The following NFIX variants were observed in gnomAD, a reference collection of about 807,000 sequenced individuals.
NFIX encodes the protein nuclear factor 1 X-type.
In NFIX, 2 loss-of-function variants were observed where a neutral mutation model predicts 53.3. The observed-to-expected ratio is 0.04, with a 90% CI of 0.02 to 0.12. The LOEUF (loss-of-function observed/expected upper bound fraction) is 0.12. NFIX is among the 10% of genes least tolerant of loss of function. NFIX has a pLI of 1.00. For synonymous variants in NFIX, 244 were observed against 289.0 expected (o/e 0.84, Z 1.58); for missense variants, 310 against 674.5 (o/e 0.46, Z 5.99).
rs933399620 is a variant in NFIX, at chr19:13,096,422, G to C, written c.*1773G>C. 1.3e-5 allele frequency: 2 copies of C among 152,228 alleles called. No homozygotes were observed. The highest frequency in any genetic ancestry group is 1.9e-4 in the East Asian group (1 of 5,190). 9.4% of individuals were successfully genotyped at this position (152,228 alleles called of 1,614,324 possible). A position where few individuals can be genotyped will look rare whatever the true frequency, so the allele number is the denominator to read the frequency against. ...GCGACCTGGGGCCGTAGCGGCAGGC[G>C]AACGGTGCCTGCTACCCAGCTGGAA... On this transcript the variant is annotated 3_prime_UTR_variant, in exon 11 of 11. Coordinates refer to ENST00000592199, the MANE Select transcript of NFIX (RefSeq NM_001365902.3).
Position 12,998,004 on chromosome 19 carries a change from C to T in NFIX, c.27+2140C>T, listed in dbSNP as rs567352759. On this transcript the variant is annotated intron_variant, in intron 1 of 10. Coordinates refer to ENST00000592199, the MANE Select transcript of NFIX (RefSeq NM_001365902.3). This position sits in a 1 kb window ranked among gnomAD's most constrained non-coding sequence, Gnocchi z 4.4. ...TCAGCTCTGGGCAGGTGGCTGCTGT[C>T]GGCTGGTCAGTGGGGTCTGGCCTGC... 6.6e-6 allele frequency among the ~76,000 whole-genome samples: 1 copy of T among 152,226 alleles called. No homozygotes were observed. Among genetic ancestry groups the T allele is most frequent in the Non-Finnish European group, 1.5e-5 (1 of 68,040 alleles).
rs892874415 is a variant in NFIX, at chr19:13,009,596, A to G, written c.27+13732A>G. 6.6e-6 allele frequency among the ~76,000 whole-genome samples: 1 copy of G among 152,238 alleles called. No individual in the cohort carries two copies. The highest frequency in any genetic ancestry group is 1.5e-5 in the Non-Finnish European group (1 of 68,050). On this transcript the variant is annotated intron_variant, in intron 1 of 10. Transcript: ENST00000592199. This position sits in a 1 kb window ranked among gnomAD's most constrained non-coding sequence, Gnocchi z 4.7. Reference sequence around the variant, plus strand: ...CCTATTCCCCAGTTCTAAGAAGCCCAGAGCAAGAAACAGGAGGAAGAGGCT... The same window carrying G: ...CCTATTCCCCAGTTCTAAGAAGCCCGGAGCAAGAAACAGGAGGAAGAGGCT...
intron 1 of NFIX, among the ~76,000 whole-genome samples, chr19:13,019,732 T>G (rs991395299): frequency 3.2e-4 from 27 of 85,328 alleles, no homozygotes; most frequent in African/African-American, 1.1e-3. Flanking sequence ...TGTTTGTTTG[T>G]TTTTTTTTTT....
intron 1 of NFIX, among the ~76,000 whole-genome samples, chr19:12,999,266 C>T (rs529718276): frequency 9.3e-4 from 141 of 151,812 alleles, no homozygotes; most frequent in Non-Finnish European, 1.5e-3. Context: ...CTCTGCCTCC[C>T]GGGTTCAAGC....
At position 13,028,002 on chromosome 19, in the gene NFIX, C is replaced by T. The variant is rs555822566; in HGVS notation, c.559+2450C>T. On this transcript the variant is annotated intron_variant, in intron 2 of 10. Coordinates refer to ENST00000592199, the MANE Select transcript of NFIX (RefSeq NM_001365902.3). This position sits in a 1 kb window ranked among gnomAD's most constrained non-coding sequence, Gnocchi z 4.2. ...TGAGTTGAGGCGAGTTGGCGCAGCC[C>T]GGGCCACCAGTGGGCTGCATCACTT... 6.4e-4 allele frequency among the ~76,000 whole-genome samples: 97 copies of T among 152,366 alleles called. No homozygotes were observed. The highest frequency in any genetic ancestry group is 2.2e-3 in the African/African-American group (91 of 41,588).
chr19:13,087,503 T>C (rs1186612179), intron 8 of NFIX, among the ~76,000 whole-genome samples: 1 of 151,970 alleles, frequency 6.6e-6, no homozygotes, highest in South Asian at 2.1e-4. Flanking sequence ...GGGTGGGTGC[T>C]GGCAGGCCTG....
rs746303091 is a variant in NFIX at position 13,014,171 on chromosome 19, TG to T, written c.28-10848del. The stretch of plus-strand genomic sequence containing the variant: ...CGGAAAGCGCGCTTTTCGGCAGAGC[TG>T]GTTAGTTTTTAATGCGGGCTTTTTT... On this transcript the variant is annotated intron_variant, in intron 1 of 10. Coordinates refer to ENST00000592199, the MANE Select transcript of NFIX (RefSeq NM_001365902.3). This position sits in a 1 kb window ranked among gnomAD's most constrained non-coding sequence, Gnocchi z 4.4. 2 of 152,350 alleles carry T rather than the reference TG, an allele frequency of 1.3e-5. No individual in the cohort carries two copies. Among genetic ancestry groups the T allele is most frequent in the East Asian group, 3.9e-4 (2 of 5,188 alleles). 9.4% of individuals were successfully genotyped at this position (152,350 alleles called of 1,614,324 possible).
chr19:13,056,536 G>C (rs530894706), intron 2 of NFIX, among the ~76,000 whole-genome samples: 1 of 152,148 alleles, frequency 6.6e-6, no homozygotes, highest in Non-Finnish European at 1.5e-5. Context: ...AAGATCCTGC[G>C]TGGAGTCCCG....
chr19:13,024,530 A>AC, intron 1 of NFIX: 1 of 1,525,278 alleles, frequency 6.6e-7, no homozygotes. Context: ...GGTGTCGGGG[A>AC]CCAGAGGCGG....
rs975023597 is a variant in NFIX, at chr19:13,078,541, T to C, written c.956-72T>C. 1.3e-6 allele frequency: 2 copies of C among 1,524,178 alleles called. No homozygotes were observed. The highest frequency in any genetic ancestry group is 1.8e-6 in the Non-Finnish European group (2 of 1,126,894). The allele number at this position is 1,524,178 out of a possible 1,614,324, so 94.4% of individuals were successfully genotyped here. On this transcript the variant is annotated intron_variant, in intron 6 of 10. Transcript: ENST00000592199. The surrounding 1 kb of genome is among the most constrained non-coding windows in gnomAD (Gnocchi z 4.7). ...GCTGAGGAGAGAAGGAGCGAGCTGC[T>C]GGCTTCCCGCCTTCCCCGCACCCAC...
At position 13,090,228 on chromosome 19, in the gene NFIX, C is replaced by T; in HGVS notation, c.1403-71C>T. 3 of 1,420,824 alleles carry T rather than the reference C, an allele frequency of 2.1e-6. No individual in the cohort carries two copies. Among genetic ancestry groups the T allele is most frequent in the Non-Finnish European group, 3.0e-6 (3 of 1,004,490 alleles). 88.0% of individuals were successfully genotyped at this position (1,420,824 alleles called of 1,614,324 possible). On this transcript the variant is annotated intron_variant, in intron 9 of 10. Transcript: ENST00000592199. This position sits in a 1 kb window ranked among gnomAD's most constrained non-coding sequence, Gnocchi z 6.6. ...CTCAGTCTCTCCCTCTCTCAGCAGC[C>T]CCGAGGGGCAGTGCCCAGGTGGGCC...
At chr19:13,032,888 A>G (rs1369068629) in intron 2 of NFIX, among the ~76,000 whole-genome samples, 1 of 152,198 alleles carries the variant, frequency 6.6e-6, no homozygotes, top group Non-Finnish European at 1.5e-5. Context: ...CCTATATCCC[A>G]GTAAGAAGAG....
chr19:13,022,684 G>A lies in NFIX; in HGVS notation c.28-2337G>A, dbSNP rs1373922865. On this transcript the variant is annotated intron_variant, in intron 1 of 10. Transcript: ENST00000592199. The surrounding 1 kb of genome is among the most constrained non-coding windows in gnomAD (Gnocchi z 4.5). ...TGAAACCAAAACACAGAGAGAAGGC[G>A]CAGCTGCTTCCCCAAGGCCTTCTGG... Among the ~76,000 whole-genome samples the A allele has an allele frequency of 2.6e-5, 4 of 152,082 alleles. No individual in the cohort carries two copies. Among genetic ancestry groups the A allele is most frequent in the African/African-American group, 4.8e-5 (2 of 41,396 alleles).
chr19:13,026,242 T>C (rs2013336496), intron 2 of NFIX, among the ~76,000 whole-genome samples: 1 of 152,160 alleles, frequency 6.6e-6, no homozygotes, highest in South Asian at 2.1e-4. Flanking sequence ...CTTCTCCTTA[T>C]TTCAGCTAAA....
chr19:13,007,154 C>T (rs1315404965), intron 1 of NFIX, among the ~76,000 whole-genome samples: 1 of 152,066 alleles, frequency 6.6e-6, no homozygotes, highest in Non-Finnish European at 1.5e-5. Context: ...TGTAATGGCT[C>T]ACCATTTTTG....
chr19:13,041,366 G>A (rs1293249071), intron 2 of NFIX, among the ~76,000 whole-genome samples: 1 of 152,090 alleles, frequency 6.6e-6, no homozygotes, highest in Non-Finnish European at 1.5e-5. Flanking sequence ...GAAGTCAGGG[G>A]GTGGAAATTA....
chr19:13,051,240 TA>T lies in NFIX; in HGVS notation c.560-21804del, dbSNP rs2015311818. Among the ~76,000 whole-genome samples the T allele has an allele frequency of 6.6e-6, 1 of 152,178 alleles. No homozygotes were observed. Among genetic ancestry groups the T allele is most frequent in the Admixed American group, 6.5e-5 (1 of 15,290 alleles). On this transcript the variant is annotated intron_variant, in intron 2 of 10. Transcript: ENST00000592199. This position sits in a 1 kb window ranked among gnomAD's most constrained non-coding sequence, Gnocchi z 5.1. Reference sequence around the variant, plus strand: ...AGCCCCACTCAGGGCCAGAGGGCTCTAAATGAGTCACTCAGCTCTGGCTTTG... The same window carrying T: ...AGCCCCACTCAGGGCCAGAGGGCTCTAATGAGTCACTCAGCTCTGGCTTTG...
Position 13,090,525 on chromosome 19 carries a change from GC to G in NFIX, c.1494+138del. On this transcript the variant is annotated intron_variant, in intron 10 of 10. Coordinates refer to ENST00000592199, the MANE Select transcript of NFIX (RefSeq NM_001365902.3). This position sits in a 1 kb window ranked among gnomAD's most constrained non-coding sequence, Gnocchi z 6.6. Reference sequence around the variant, plus strand: ...GAGAGGTCTGAGGTGGGGCTGGAGGGCCCAGGCTTTTGCACGCCCAGCTGAG... The same window carrying G: ...GAGAGGTCTGAGGTGGGGCTGGAGGGCCAGGCTTTTGCACGCCCAGCTGAG... 1.2e-6 allele frequency: 1 copy of G among 866,468 alleles called. No individual in the cohort carries two copies. The highest frequency in any genetic ancestry group is 1.9e-6 in the Non-Finnish European group (1 of 530,762). The allele number at this position is 866,468 out of a possible 1,614,324, so 53.7% of individuals were successfully genotyped here.
chr19:13,031,191 T>C (rs2013776395), intron 2 of NFIX, among the ~76,000 whole-genome samples: 1 of 152,220 alleles, frequency 6.6e-6, no homozygotes, highest in South Asian at 2.1e-4. Flanking sequence ...AGAGCTCCCA[T>C]TGCCTACAAC....
Sources: gnomAD v4.1 joint callset for allele counts (sites outside exome capture counted in the v4.1 genomes callset) on GRCh38, gnomAD v4.1.1 for gene constraint, Gnocchi (gnomAD v3.1) non-coding constraint, MANE v1.5 for transcripts, NCBI Gene and HGNC (gene_info 2026-07-23, HGNC 2026-07-21) for gene names.